VPS13C: variants seen among roughly 807,000 people sequenced by gnomAD.
VPS13C encodes vacuolar protein sorting 13 homolog C.
Under a neutral mutation model 456.8 loss-of-function variants are expected in VPS13C, and 358 were observed. The ratio of observed to expected loss-of-function variants is 0.78; its 90% CI spans 0.72 to 0.86. VPS13C has a LOEUF of 0.86. VPS13C is among the 40% of genes least tolerant of loss of function. VPS13C has a pLI of 0.00. For missense variants in VPS13C, 4,818 were observed against 4,385.4 expected (o/e 1.10, Z -2.79); for synonymous variants, 1,578 against 1,486.7 (o/e 1.06, Z -1.41).
At chr15:61,893,495 T>C (rs2042714085) in intron 66 of VPS13C, among the ~76,000 whole-genome samples, 1 of 151,924 alleles carries the variant, frequency 6.6e-6, no homozygotes, top group African/African-American at 2.4e-5. Flanking sequence ...AAGGAGTTAC[T>C]TGATATGAAA....
In VPS13C at chr15:61,922,544, A is replaced by C; in HGVS notation, c.6828T>G (p.Cys2276Trp). The change falls in exon 54 of 85, where the codon TGT (cysteine) becomes TGG (tryptophan). Residue 2276 changes from cysteine to tryptophan, a missense_variant. Physicochemically the swap from Cys to Trp is radical, Grantham distance 215. Coordinates refer to ENST00000644861, the MANE Select transcript of VPS13C (RefSeq NM_020821.3). ...CTTGAATGGATTCTACAACAACACCACAATTTTCCTCTATCAGTGAATGTT... is the reference window on the plus strand; with the variant it reads ...CTTGAATGGATTCTACAACAACACCCCAATTTTCCTCTATCAGTGAATGTT... The part of the protein sequence containing the change: ...GIEHSLIEEN[C>W]GVVVESIQVT... 6.2e-7 allele frequency: 1 copy of C among 1,614,102 alleles called. No individual in the cohort carries two copies. Among genetic ancestry groups the C allele is most frequent in the Non-Finnish European group, 8.5e-7 (1 of 1,179,978 alleles).
At chr15:61,967,255 A>G (rs2045405743) in intron 29 of VPS13C, 113 bp downstream of exon 29, 2 of 839,972 alleles carry the variant, frequency 2.4e-6, no homozygotes, top group Admixed American at 6.0e-5. Flanking sequence ...TTTCCCTCTA[A>G]TTAGAAACTG....
At chr15:61,965,410 T>C (rs1379437270) in intron 30 of VPS13C, among the ~76,000 whole-genome samples, 1 of 151,950 alleles carries the variant, frequency 6.6e-6, no homozygotes, top group Non-Finnish European at 1.5e-5. Flanking sequence ...TACTACTTTT[T>C]TTAAAGCAAT....
At chr15:61,937,268 C>T (rs1273670197) in intron 47 of VPS13C, among the ~76,000 whole-genome samples, 2 of 152,124 alleles carry the variant, frequency 1.3e-5, no homozygotes, top group Non-Finnish European at 1.5e-5. Flanking sequence ...AGAATAATAC[C>T]ATTTAGAACA....
chr15:62,026,927 G>A (rs1388792810), intron 6 of VPS13C, among the ~76,000 whole-genome samples: 1 of 152,060 alleles, frequency 6.6e-6, no homozygotes, highest in African/African-American at 2.4e-5. Flanking sequence ...CTTGAATCAT[G>A]CTAAGGCAGC....
At chr15:61,963,083 T>C in intron 32 of VPS13C, among the ~76,000 whole-genome samples, 1 of 152,144 alleles carries the variant, frequency 6.6e-6, no homozygotes, top group Non-Finnish European at 1.5e-5. Flanking sequence ...GAAATACATC[T>C]AGTACAAATA....
chr15:61,878,576 G>C, intron 74 of VPS13C, 31 bp downstream of exon 74: 1 of 1,599,122 alleles, frequency 6.3e-7, no homozygotes, highest in Non-Finnish European at 8.5e-7. Context: ...TGGTACACCT[G>C]CTTCTCAATG....
chr15:62,008,919 A>G (rs1261604306), intron 13 of VPS13C, among the ~76,000 whole-genome samples, 158 bp from the exon 14 acceptor site: 1 of 152,182 alleles, frequency 6.6e-6, no homozygotes, highest in East Asian at 1.9e-4. Flanking sequence ...TTAAGATGCT[A>G]TCAATTACAA....
chr15:61,947,882 A>AT (rs2044659150), intron 42 of VPS13C, among the ~76,000 whole-genome samples: 1 of 152,204 alleles, frequency 6.6e-6, no homozygotes, highest in African/African-American at 2.4e-5. Flanking sequence ...ACCAAAAAAA[A>AT]ATTTATAATG....
intron 82 of VPS13C, among the ~76,000 whole-genome samples, chr15:61,859,182 C>A (rs1055378222): frequency 2.0e-5 from 3 of 151,948 alleles, no homozygotes; most frequent in Non-Finnish European, 2.9e-5. Flanking sequence ...CCAGCCTGGG[C>A]AACATAGTGA....
intron 51 of VPS13C, among the ~76,000 whole-genome samples, chr15:61,929,110 G>A (rs1209399011): frequency 6.6e-6 from 1 of 152,072 alleles, no homozygotes; most frequent in Non-Finnish European, 1.5e-5. Context: ...AAGTCCTGCT[G>A]GGTCCTCCAA....
rs2045581372 is a variant in VPS13C at position 61,972,428 on chromosome 15, C to T, written c.2757+197G>A. Among the ~76,000 whole-genome samples, 3 of 151,952 alleles carry T rather than the reference C, an allele frequency of 2.0e-5. No homozygotes were observed. The South Asian group carries it at 6.2e-4, about 32-fold the overall frequency. On this transcript the variant is annotated intron_variant, in intron 27 of 84. Coordinates refer to ENST00000644861, the MANE Select transcript of VPS13C (RefSeq NM_020821.3). ...ATTCTTACATCAGTTTTTTTAAAAGCATTTCATTGTTAAAAATCTCTGTGT... is the reference window on the plus strand; with the variant it reads ...ATTCTTACATCAGTTTTTTTAAAAGTATTTCATTGTTAAAAATCTCTGTGT...
chr15:61,865,528 T>C, intron 81 of VPS13C: 1 of 877,698 alleles, frequency 1.1e-6, no homozygotes, highest in Non-Finnish European at 1.4e-6. Flanking sequence ...TACATACATA[T>C]AATGTATGTA....
In VPS13C at chr15:61,941,812, G is replaced by A. The variant is rs1402138496; in HGVS notation, c.5404C>T (p.Pro1802Ser). Residue 1802 changes from proline (P) to serine (S), a missense_variant, in exon 46 of 85, where the codon CCA becomes TCA. By Grantham distance (74) the Pro-to-Ser change is moderately conservative (BLOSUM62 -1). Coordinates refer to ENST00000644861, the MANE Select transcript of VPS13C (RefSeq NM_020821.3). The part of the protein sequence containing the change: ...LVPMEHYSLP[P>S]VIDKMNIELT... ...TCGATGTTCATTTTATCAATGACTG[G>A]AGGAAGAGAATAATGTTCCATAGGA... The A allele has an allele frequency of 6.2e-7, 1 of 1,613,468 alleles. No homozygotes were observed. Among genetic ancestry groups the A allele is most frequent in the Non-Finnish European group, 8.5e-7 (1 of 1,179,574 alleles).
chr15:61,865,242 GA>G, intron 81 of VPS13C: 1 of 984,030 alleles, frequency 1.0e-6, no homozygotes, highest in Non-Finnish European at 1.2e-6. Context: ...AAGGAAATAT[GA>G]AAAAGCAAAC....
intron 37 of VPS13C, 65 bp from the exon 38 acceptor site, chr15:61,954,619 G>T: frequency 6.8e-7 from 1 of 1,473,400 alleles, no homozygotes; most frequent in Non-Finnish European, 9.1e-7. Flanking sequence ...ATTTATTGTG[G>T]ACTTATATGA....
At chr15:61,876,240 C>A (rs1297917041) in intron 75 of VPS13C, among the ~76,000 whole-genome samples, 1 of 151,908 alleles carries the variant, frequency 6.6e-6, no homozygotes, top group Non-Finnish European at 1.5e-5. Context: ...AATGACCAGT[C>A]TGGGCAACAT....
intron 16 of VPS13C, among the ~76,000 whole-genome samples, chr15:61,998,246 G>A (rs181068269): frequency 7.2e-5 from 11 of 152,250 alleles, no homozygotes; most frequent in Admixed American, 5.9e-4. Context: ...TTCCTTGTTA[G>A]TGAGGCTTTT....
At chr15:62,006,264 C>G (rs1328211613) in intron 15 of VPS13C, among the ~76,000 whole-genome samples, 1 of 151,976 alleles carries the variant, frequency 6.6e-6, no homozygotes, top group African/African-American at 2.4e-5. Flanking sequence ...CTCCCCGCAC[C>G]CCACAACAGT....
Sources: allele counts gnomAD v4.1 joint callset (sites outside exome capture counted in the v4.1 genomes callset), GRCh38; gene constraint gnomAD v4.1.1; transcripts MANE v1.5; gene names NCBI Gene and HGNC (gene_info 2026-07-23, HGNC 2026-07-21).